Variants in L3MBTL4 observed in about 807,000 individuals in gnomAD.
The protein encoded by L3MBTL4 is lethal(3)malignant brain tumor-like protein 4.
L3MBTL4 carries 70 observed loss-of-function variants against 84.5 expected under a neutral mutation model. The observed-to-expected ratio is 0.83, with a 90% CI of 0.68 to 1.01. L3MBTL4 has a LOEUF of 1.01. Among genes scored for constraint, L3MBTL4 ranks in the 50% least tolerant of loss-of-function variants. The pLI is 0.00. For missense variants in L3MBTL4, 715 were observed against 754.8 expected (o/e 0.95, Z 0.62); for synonymous variants, 274 against 259.8 (o/e 1.05, Z -0.52).
At chr18:6,219,519 G>A (rs1418196433) in intron 10 of L3MBTL4, among the ~76,000 whole-genome samples, 1 of 143,134 alleles carries the variant, frequency 7.0e-6, no homozygotes, top group Non-Finnish European at 1.5e-5. Context: ...CTGTGGCTGT[G>A]GGCATGGGTG....
chr18:6,004,275 A>T lies in L3MBTL4; in HGVS notation c.1445-34713T>A, dbSNP rs760446918. Among the ~76,000 whole-genome samples the T allele has an allele frequency of 6.6e-5, 10 of 152,330 alleles. 1 individual carries two copies. In the Middle Eastern group the frequency reaches 0.01, roughly 155 times the overall value. Reference sequence around the variant, plus strand: ...TGTCTGCCAACAAGTTGGATAACACAGATGATATGGACAAATTCTCAGAAA... The same window carrying T: ...TGTCTGCCAACAAGTTGGATAACACTGATGATATGGACAAATTCTCAGAAA... On this transcript the variant is annotated intron_variant, in intron 16 of 18. Transcript: ENST00000317931.
At chr18:6,181,379 G>A (rs2044464826) in intron 12 of L3MBTL4, among the ~76,000 whole-genome samples, 1 of 151,858 alleles carries the variant, frequency 6.6e-6, no homozygotes, top group African/African-American at 2.4e-5. Flanking sequence ...AGGCTGGAGT[G>A]CAGTGGCACT....
In L3MBTL4 at chr18:6,037,828, G is replaced by A. The variant is rs542582740; in HGVS notation, c.1444+43053C>T. ...TAATGACATTTGAAATCATATAGGA[G>A]AGGCTTAATAATAAATATTAGGGAA... On this transcript the variant is annotated intron_variant, in intron 16 of 18. Transcript: ENST00000317931. Among the ~76,000 whole-genome samples, 8 of 152,298 alleles carry A rather than the reference G, an allele frequency of 5.3e-5. No individual in the cohort carries two copies. In the South Asian group the frequency reaches 1.7e-3, roughly 32 times the overall value.
chr18:6,282,425 T>C (rs540742491), intron 4 of L3MBTL4, among the ~76,000 whole-genome samples: 19 of 152,040 alleles, frequency 1.2e-4, no homozygotes, highest in Non-Finnish European at 2.5e-4. Flanking sequence ...CATGTACCTA[T>C]AATTAGGCAA....
At chr18:6,274,815 CTCCCTT>C (rs563682060) in intron 4 of L3MBTL4, among the ~76,000 whole-genome samples, 227 of 152,280 alleles carry the variant, frequency 1.5e-3, no homozygotes, top group African/African-American at 5.2e-3. Flanking sequence ...TGAGATAGCT[CTCCCTT>C]TCCCCATGCT....
At chr18:6,364,735 C>G (rs1298098891) in intron 1 of L3MBTL4, among the ~76,000 whole-genome samples, 2 of 152,024 alleles carry the variant, frequency 1.3e-5, no homozygotes, top group Non-Finnish European at 2.9e-5. Context: ...TTAATTATAA[C>G]ACTCTAAACT....
intron 10 of L3MBTL4, among the ~76,000 whole-genome samples, chr18:6,224,720 A>C (rs1376289825): frequency 6.6e-6 from 1 of 152,056 alleles, no homozygotes; most frequent in Non-Finnish European, 1.5e-5. Context: ...AGTCCTAGTT[A>C]TGTTATTTGG....
chr18:6,169,969 T>G (rs2145176736), intron 13 of L3MBTL4, among the ~76,000 whole-genome samples: 1 of 152,278 alleles, frequency 6.6e-6, no homozygotes, highest in Admixed American at 6.5e-5. Context: ...CTAGAGAATG[T>G]CACATTATTT....
At chr18:6,305,271 C>G (rs1201784744) in intron 3 of L3MBTL4, among the ~76,000 whole-genome samples, 1 of 152,150 alleles carries the variant, frequency 6.6e-6, no homozygotes, top group Non-Finnish European at 1.5e-5. Context: ...AAATCTCAAC[C>G]CACCACTAAA....
chr18:6,049,399 CA>C (rs1443368993), intron 16 of L3MBTL4, among the ~76,000 whole-genome samples: 1 of 152,050 alleles, frequency 6.6e-6, no homozygotes, highest in East Asian at 1.9e-4. Flanking sequence ...AATCAACAAG[CA>C]AAAATCAAAT....
chr18:6,286,425 C>A (rs1272436172), intron 4 of L3MBTL4, among the ~76,000 whole-genome samples: 1 of 151,650 alleles, frequency 6.6e-6, no homozygotes, highest in Admixed American at 6.6e-5. Flanking sequence ...GATCACGCCA[C>A]TGCACTCGCC....
intron 13 of L3MBTL4, among the ~76,000 whole-genome samples, chr18:6,164,781 C>A (rs1723168597): frequency 6.6e-6 from 1 of 152,226 alleles, no homozygotes; most frequent in South Asian, 2.1e-4. Flanking sequence ...TGCCTCTCCT[C>A]CTCCAAAGGA....
rs551683941 is a variant in L3MBTL4, at chr18:6,044,882, C to G, written c.1444+35999G>C. Among the ~76,000 whole-genome samples, 3 of 152,306 alleles carry G rather than the reference C, an allele frequency of 2.0e-5. No homozygotes were observed. In the South Asian group the frequency reaches 6.2e-4, roughly 32 times the overall value. ...AACTAAGCTATTTTTTCCAGTTCAA[C>G]TCTCCACAATCTATTTTCCTGTGCA... On this transcript the variant is annotated intron_variant, in intron 16 of 18. Coordinates refer to ENST00000317931, the MANE Select transcript of L3MBTL4 (RefSeq NM_001330559.2).
intron 13 of L3MBTL4, among the ~76,000 whole-genome samples, chr18:6,167,265 G>C (rs560478783): frequency 2.1e-4 from 32 of 152,230 alleles, no homozygotes; most frequent in African/African-American, 7.7e-4. Context: ...GGAGCTGGTA[G>C]CATTCTTCCT....
intron 16 of L3MBTL4, among the ~76,000 whole-genome samples, chr18:6,005,324 C>T (rs1052259355): frequency 1.4e-4 from 22 of 151,952 alleles, no homozygotes; most frequent in Non-Finnish European, 2.5e-4. Context: ...CCAGCCTGGG[C>T]GACACAGTGA....
chr18:6,007,880 T>C (rs1193098952), intron 16 of L3MBTL4, among the ~76,000 whole-genome samples: 2 of 152,176 alleles, frequency 1.3e-5, no homozygotes, highest in Non-Finnish European at 2.9e-5. Context: ...ACATACAGCA[T>C]GCTACTTATT....
chr18:5,983,725 A>C (rs2053340900), intron 16 of L3MBTL4, among the ~76,000 whole-genome samples: 1 of 152,138 alleles, frequency 6.6e-6, no homozygotes, highest in South Asian at 2.1e-4. Flanking sequence ...AAAACCAGAC[A>C]CAGCAAGTTT....
rs1249700823 is a variant in L3MBTL4, at chr18:5,997,350, A to T, written c.1445-27788T>A. Reference sequence around the variant, plus strand: ...TTCAAAAGCTACACACCTTCCTCACAATTTGCCCATCAGGAAATTCCTTGT... The same window carrying T: ...TTCAAAAGCTACACACCTTCCTCACTATTTGCCCATCAGGAAATTCCTTGT... On this transcript the variant is annotated intron_variant, in intron 16 of 18. Coordinates refer to ENST00000317931, the MANE Select transcript of L3MBTL4 (RefSeq NM_001330559.2). Among the ~76,000 whole-genome samples the T allele has an allele frequency of 1.4e-5, 2 of 142,134 alleles. 1 individual carries two copies. Among genetic ancestry groups the T allele is most frequent in the African/African-American group, 6.2e-5 (2 of 32,028 alleles). The allele number at this position is 142,134 out of a possible 152,430, so 93.2% of individuals were successfully genotyped here.
intron 1 of L3MBTL4, chr18:6,356,855 TG>T (rs1319874490): frequency 6.6e-6 from 1 of 152,210 alleles, no homozygotes; most frequent in Non-Finnish European, 1.5e-5. Flanking sequence ...AATGATAAGT[TG>T]GTCTTAGCTT....
Sources: gnomAD v4.1 joint callset for allele counts (sites outside exome capture counted in the v4.1 genomes callset) on GRCh38, gnomAD v4.1.1 for gene constraint, MANE v1.5 for transcripts, NCBI Gene and HGNC (gene_info 2026-07-23, HGNC 2026-07-21) for gene names.